TSEN2: variants seen among roughly 807,000 people sequenced by gnomAD.
TSEN2 encodes the protein tRNA splicing endonuclease subunit 2.
Under a neutral mutation model 59.2 loss-of-function variants are expected in TSEN2, and 54 were observed. The observed-to-expected ratio is 0.91, with a 90% CI of 0.73 to 1.14. The LOEUF (loss-of-function observed/expected upper bound fraction) is 1.14, where lower values mean the gene tolerates loss of function less well. TSEN2 is among the 50% of genes most tolerant of loss of function. The pLI is 0.00. For missense variants in TSEN2, 636 were observed against 576.2 expected (o/e 1.10, Z -1.06); for synonymous variants, 195 against 198.2 (o/e 0.98, Z 0.14).
chr3:12,510,598 G>A (rs569737187), intron 6 of TSEN2, among the ~76,000 whole-genome samples: 26 of 152,240 alleles, frequency 1.7e-4, no homozygotes, highest in African/African-American at 5.5e-4. Context: ...TCTCGTTTAC[G>A]CATCGTCTTG....
At chr3:12,530,900 T>A in intron 10 of TSEN2, 1 of 270,132 alleles carries the variant, frequency 3.7e-6, no homozygotes, top group Non-Finnish European at 5.7e-6. Context: ...ACATCTGTAT[T>A]AGTCCATTCT....
intron 6 of TSEN2, among the ~76,000 whole-genome samples, chr3:12,507,627 G>A (rs893737489): frequency 6.6e-6 from 1 of 152,098 alleles, no homozygotes; most frequent in Admixed American, 6.5e-5. Flanking sequence ...TATGTGCCAG[G>A]CATTGGGCTA....
chr3:12,497,493 G>A (rs2053869007), intron 4 of TSEN2, among the ~76,000 whole-genome samples: 1 of 152,190 alleles, frequency 6.6e-6, no homozygotes, highest in African/African-American at 2.4e-5. Context: ...CTCAGGTTGG[G>A]GTCAGGAGTG....
chr3:12,518,191 C>G (rs2125154170), intron 7 of TSEN2, among the ~76,000 whole-genome samples: 1 of 152,308 alleles, frequency 6.6e-6, no homozygotes, highest in Non-Finnish European at 1.5e-5. Flanking sequence ...ACAAAATTGT[C>G]TTTTAAGCAG....
chr3:12,498,638 TG>T (rs1187891526), intron 4 of TSEN2, among the ~76,000 whole-genome samples: 1 of 152,110 alleles, frequency 6.6e-6, no homozygotes, highest in African/African-American at 2.4e-5. Flanking sequence ...CGACACATAG[TG>T]ACAGTGCAGG....
chr3:12,489,620 C>T (rs963188621), intron 1 of TSEN2, among the ~76,000 whole-genome samples, 164 bp from the exon 2 acceptor site: 7 of 152,194 alleles, frequency 4.6e-5, no homozygotes, highest in Non-Finnish European at 8.8e-5. Context: ...TTACATTGCT[C>T]ACACAAACTG....
intron 9 of TSEN2, 113 bp from the exon 10 acceptor site, chr3:12,529,649 A>G (rs1189417031): frequency 1.1e-6 from 1 of 938,682 alleles, no homozygotes; most frequent in Non-Finnish European, 1.6e-6. Context: ...GGAATTTAGA[A>G]TCAGATGATG....
intron 4 of TSEN2, among the ~76,000 whole-genome samples, chr3:12,501,003 A>G (rs1404406393): frequency 6.6e-6 from 1 of 152,226 alleles, no homozygotes; most frequent in African/African-American, 2.4e-5. Context: ...TCCCTTCCCC[A>G]GAAAAATATA....
chr3:12,497,061 G>C (rs1441094455), intron 4 of TSEN2, among the ~76,000 whole-genome samples: 1 of 152,156 alleles, frequency 6.6e-6, no homozygotes, highest in Non-Finnish European at 1.5e-5. Context: ...GACCTCTCCT[G>C]GGTTTCTTTC....
At chr3:12,508,095 G>GT (rs534645882) in intron 6 of TSEN2, among the ~76,000 whole-genome samples, 14 of 152,202 alleles carry the variant, frequency 9.2e-5, no homozygotes, top group Non-Finnish European at 1.9e-4. Flanking sequence ...GCTAGCATCA[G>GT]TATGGAGGGT....
At chr3:12,497,868 G>A (rs562866000) in intron 4 of TSEN2, among the ~76,000 whole-genome samples, 3 of 152,184 alleles carry the variant, frequency 2.0e-5, no homozygotes, top group Admixed American at 6.5e-5. Context: ...TTGGACACCA[G>A]AATTCCAAAC....
chr3:12,480,736 G>C (rs1328421398), upstream of TSEN2, among the ~76,000 whole-genome samples: 6 of 151,902 alleles, frequency 3.9e-5, no homozygotes, highest in Admixed American at 1.3e-4. Flanking sequence ...GTTTTGCCAT[G>C]TTGGCCAGGC....
Position 12,526,795 on chromosome 3 carries a change from T to G in TSEN2, c.1100-2093T>G, listed in dbSNP as rs556543759. ...GTCCATCTGCTGCCAGTGTTCTTGC[T>G]TAAACTAAGCTGTGCTGTGTCGGAG... On this transcript the variant is annotated intron_variant, in intron 8 of 11. Coordinates refer to ENST00000284995, the MANE Select transcript of TSEN2 (RefSeq NM_025265.4). 2.0e-4 allele frequency among the ~76,000 whole-genome samples: 31 copies of G among 152,368 alleles called. No individual in the cohort carries two copies. The South Asian group carries it at 6.0e-3, about 30-fold the overall frequency.
At chr3:12,507,108 A>G (rs528236738) in intron 6 of TSEN2, among the ~76,000 whole-genome samples, 1 of 152,246 alleles carries the variant, frequency 6.6e-6, no homozygotes, top group East Asian at 1.9e-4. Flanking sequence ...CAGGAGAATC[A>G]CTTGAACCCG....
At position 12,527,071 on chromosome 3, in the gene TSEN2, T is replaced by C. The variant is rs1172499496; in HGVS notation, c.1100-1817T>C. Among the ~76,000 whole-genome samples, 4 of 152,228 alleles carry C rather than the reference T, an allele frequency of 2.6e-5. No individual in the cohort carries two copies. In the East Asian group the frequency reaches 7.7e-4, roughly 29 times the overall value. ...TTGGGCAGGGAACAAAACTCCCAAG[T>C]TCACTTTTGTTCCAGTACATGGTTT... On this transcript the variant is annotated intron_variant, in intron 8 of 11. Transcript: ENST00000284995.
intron 8 of TSEN2, among the ~76,000 whole-genome samples, chr3:12,527,096 T>G (rs2057143274): frequency 6.6e-6 from 1 of 152,260 alleles, no homozygotes; most frequent in African/African-American, 2.4e-5. Context: ...GTACATGGTT[T>G]CTTTCCAGTA....
intron 3 of TSEN2, among the ~76,000 whole-genome samples, chr3:12,493,563 C>A (rs1017923425): frequency 1.1e-4 from 16 of 152,286 alleles, no homozygotes; most frequent in African/African-American, 3.8e-4. Flanking sequence ...CCCATCTCTA[C>A]TAAAAATACA....
chr3:12,524,972 G>A (rs1575443859), intron 8 of TSEN2, among the ~76,000 whole-genome samples: 1 of 151,954 alleles, frequency 6.6e-6, no homozygotes, highest in African/African-American at 2.4e-5. Flanking sequence ...TCGAACTCCT[G>A]GCCTCAGGTG....
In TSEN2 at chr3:12,491,922, G is replaced by C. The variant is rs141924433; in HGVS notation, c.190-214G>C. Among the ~76,000 whole-genome samples the C allele has an allele frequency of 1.8e-3, 269 of 152,280 alleles. 3 individuals are homozygous for C. The highest frequency in any genetic ancestry group is 2.9e-3 in the Admixed American group (44 of 15,300). On this transcript the variant is annotated intron_variant, in intron 2 of 11. Transcript: ENST00000284995. ...TGCATTAGGTATTATAAGTAGCCTA[G>C]AGATGACTTAAAGTATATGGGAGGG...
Sources: allele counts gnomAD v4.1 joint callset (sites outside exome capture counted in the v4.1 genomes callset), GRCh38; gene constraint gnomAD v4.1.1; transcripts MANE v1.5; gene names NCBI Gene and HGNC (gene_info 2026-07-23, HGNC 2026-07-21).